The following EPB42 variants were observed in gnomAD, a reference collection of about 807,000 sequenced individuals.
EPB42 encodes the protein protein 4.2.
A neutral mutation model predicts 76.9 loss-of-function variants in EPB42; 49 were observed. The observed-to-expected ratio is 0.64, with a 90% CI of 0.51 to 0.81. EPB42 has a LOEUF of 0.81. Ranked by LOEUF, EPB42 falls within the 30% of genes least tolerant of loss-of-function variation. The pLI is 0.00. For missense variants in EPB42, 731 were observed against 867.6 expected, an observed-to-expected ratio of 0.84 and a Z score of 1.98; for synonymous variants, 310 against 338.4, an observed-to-expected ratio of 0.92 and a Z score of 0.92.
intron 12 of EPB42, 91 bp downstream of exon 12, chr15:43,201,753 G>T: frequency 6.3e-7 from 1 of 1,580,820 alleles, no homozygotes; most frequent in South Asian, 1.1e-5. Flanking sequence ...CTGTCTGCAT[G>T]GACATGGCAA....
upstream of EPB42, among the ~76,000 whole-genome samples, chr15:43,221,927 G>C (rs2042465477): frequency 6.6e-6 from 1 of 151,676 alleles, no homozygotes; most frequent in African/African-American, 2.4e-5. Flanking sequence ...CGGATCACCT[G>C]AGGTCAGGAG....
At chr15:43,200,342 G>A (rs2042107032) in intron 12 of EPB42, among the ~76,000 whole-genome samples, 1 of 152,202 alleles carries the variant, frequency 6.6e-6, no homozygotes, top group Non-Finnish European at 1.5e-5. Flanking sequence ...ACCTCAGGGA[G>A]GGTAGGAGTA....
chr15:43,201,193 G>T (rs998747352), intron 12 of EPB42, among the ~76,000 whole-genome samples: 9 of 152,186 alleles, frequency 5.9e-5, no homozygotes, highest in Admixed American at 1.3e-4. Context: ...TCAGAGAGTT[G>T]GAGGCACTCT....
At chr15:43,214,114 G>A (rs10438267) in intron 3 of EPB42, among the ~76,000 whole-genome samples, 7,291 of 152,322 alleles carry the variant, frequency 0.048, 583 homozygotes, top group African/African-American at 0.16. Flanking sequence ...CAGGAAAGCC[G>A]GGAGAAACTC....
At chr15:43,223,728 C>T (rs963487600), upstream of EPB42, among the ~76,000 whole-genome samples, 2 of 151,828 alleles carry the variant, frequency 1.3e-5, no homozygotes, top group African/African-American at 4.8e-5. Context: ...GCCTGTAATC[C>T]CAGCACTTTG....
chr15:43,203,833 T>C (rs1379324000), intron 10 of EPB42, among the ~76,000 whole-genome samples: 4 of 152,142 alleles, frequency 2.6e-5, no homozygotes, highest in African/African-American at 9.7e-5. Flanking sequence ...GGGATAGCAA[T>C]GGTTCTTGCC....
At position 43,216,326 on chromosome 15, in the gene EPB42, G is replaced by A. The variant is rs532502668; in HGVS notation, c.138C>T (p.Arg46=). The A allele has an allele frequency of 1.9e-6, 3 of 1,614,188 alleles. No individual in the cohort carries two copies. The highest frequency in any genetic ancestry group is 1.1e-5 in the South Asian group (1 of 91,088). The change falls in exon 2 of 13, where the codon CGC becomes CGT. Residue 46 remains arginine (R), a synonymous_variant. Transcript: ENST00000441366. The part of the protein sequence containing the change: ...GQPFTIILYF[R]APVRAFLPAL... The stretch of plus-strand genomic sequence containing the variant: ...CAGGCAGAAATGCACGGACTGGAGC[G>A]CGGAAGTACAGGATGATGGTGAAGG...
intron 5 of EPB42, among the ~76,000 whole-genome samples, 186 bp downstream of exon 5, chr15:43,210,149 C>T (rs779209678): frequency 6.6e-5 from 10 of 152,270 alleles, no homozygotes; most frequent in Middle Eastern, 3.4e-3. Context: ...CTTTTCTCCC[C>T]GCTGTGGATG....
chr15:43,223,404 GA>G (rs1264334000), upstream of EPB42, among the ~76,000 whole-genome samples: 1 of 152,038 alleles, frequency 6.6e-6, no homozygotes, highest in African/African-American at 2.4e-5. Flanking sequence ...TAATATAAAA[GA>G]TGCCTATAAA....
At position 43,210,425 on chromosome 15, in the gene EPB42, G is replaced by T; in HGVS notation, c.564C>A (p.Val188=). 1.2e-6 allele frequency: 2 copies of T among 1,613,664 alleles called. No homozygotes were observed. Among genetic ancestry groups the T allele is most frequent in the South Asian group, 1.1e-5 (1 of 91,054 alleles). The change falls in exon 5 of 13, where the codon GTC becomes GTA. Residue 188 remains valine (V), a synonymous_variant. Coordinates refer to ENST00000441366, the MANE Select transcript of EPB42 (RefSeq NM_001114134.2). ...SWDFGQFEGD[V]IDLSLRLLSK... is the part of the protein sequence containing the mutation. ...TCAGCAAGCGCAGGCTGAGGTCAATGACATCCCCCTCGAACTGTTAAGGAT... is the reference window on the plus strand; with the variant it reads ...TCAGCAAGCGCAGGCTGAGGTCAATTACATCCCCCTCGAACTGTTAAGGAT...
intron 12 of EPB42, 126 bp downstream of exon 12, chr15:43,201,718 T>G: frequency 4.3e-6 from 6 of 1,379,958 alleles, no homozygotes; most frequent in Non-Finnish European, 4.1e-6. Flanking sequence ...CCCTAATCCT[T>G]TAGTTTAGTT....
intron 4 of EPB42, 31 bp from the exon 5 acceptor site, chr15:43,210,470 G>T (rs1335286344): frequency 2.5e-6 from 4 of 1,599,736 alleles, no homozygotes; most frequent in African/African-American, 2.7e-5. Context: ...CCATGATGAA[G>T]GGTCCCCACA....
At chr15:43,200,574 A>G (rs1222140568) in intron 12 of EPB42, among the ~76,000 whole-genome samples, 3 of 152,208 alleles carry the variant, frequency 2.0e-5, no homozygotes, top group Admixed American at 6.5e-5. Flanking sequence ...CAAACATATG[A>G]AGAGTTGCAA....
intron 7 of EPB42, 42 bp downstream of exon 7, chr15:43,208,595 G>A: frequency 6.2e-7 from 1 of 1,613,654 alleles, no homozygotes; most frequent in Non-Finnish European, 8.5e-7. Flanking sequence ...CAGGGTTGGA[G>A]CCCTTCCTGG....
chr15:43,207,057 G>C, intron 9 of EPB42, 142 bp downstream of exon 9: 1 of 1,223,818 alleles, frequency 8.2e-7, no homozygotes, highest in South Asian at 1.3e-5. Context: ...AATGTCAATG[G>C]TGTCAAATGG....
intron 3 of EPB42, among the ~76,000 whole-genome samples, chr15:43,214,386 G>A (rs1222473951): frequency 1.3e-5 from 2 of 152,134 alleles, no homozygotes; most frequent in Non-Finnish European, 2.9e-5. Context: ...CAGGGAAGCC[G>A]CTCATAGTCT....
chr15:43,222,398 T>C (rs1223306335), upstream of EPB42, among the ~76,000 whole-genome samples: 2 of 152,102 alleles, frequency 1.3e-5, no homozygotes, highest in African/African-American at 4.8e-5. Context: ...ACTTAAGAAA[T>C]GTGAAGTGCT....
intron 8 of EPB42, among the ~76,000 whole-genome samples, chr15:43,207,747 G>A (rs74636168): frequency 1.2e-3 from 181 of 152,346 alleles, no homozygotes; most frequent in Non-Finnish European, 2.2e-3. Flanking sequence ...CTATGGATAT[G>A]ACAGGAATAG....
chr15:43,204,097 C>T (rs1463289485), intron 10 of EPB42, among the ~76,000 whole-genome samples: 2 of 152,190 alleles, frequency 1.3e-5, no homozygotes, highest in Non-Finnish European at 2.9e-5. Flanking sequence ...CCCTGGCTGA[C>T]TACTCCCCAG....
Sources: allele counts gnomAD v4.1 joint callset (sites outside exome capture counted in the v4.1 genomes callset), GRCh38; gene constraint gnomAD v4.1.1; transcripts MANE v1.5; gene names NCBI Gene and HGNC (gene_info 2026-07-23, HGNC 2026-07-21).